RBPJ: variants seen among roughly 807,000 people sequenced by gnomAD.
RBPJ encodes the protein recombining binding protein suppressor of hairless.
A neutral mutation model predicts 67.8 loss-of-function variants in RBPJ; 9 were observed. The ratio of observed to expected loss-of-function variants is 0.13; its 90% CI spans 0.08 to 0.23. The LOEUF is 0.23. RBPJ is among the 10% of genes least tolerant of loss of function. The pLI is 1.00. For missense variants in RBPJ, 305 were observed against 595.6 expected, an observed-to-expected ratio of 0.51 and a Z score of 5.08; for synonymous variants, 198 against 203.3, an observed-to-expected ratio of 0.97 and a Z score of 0.22.
the RBPJ span, among the ~76,000 whole-genome samples, chr4:26,133,789 A>C: frequency 6.6e-6 from 1 of 151,814 alleles, no homozygotes; most frequent in Non-Finnish European, 1.5e-5. Context: ...CCCTAGTGTC[A>C]AAAAGGTGGA....
intron 1 of RBPJ, among the ~76,000 whole-genome samples, chr4:26,305,794 T>TTTTTTC (rs1722218683): frequency 6.9e-6 from 1 of 145,170 alleles, no homozygotes; most frequent in African/African-American, 2.6e-5. Flanking sequence ...TTTTTTTTTT[T>TTTTTTC]CTGAGACTGA....
chr4:26,400,483 C>T (rs1285734082), intron 2 of RBPJ, among the ~76,000 whole-genome samples: 2 of 149,124 alleles, frequency 1.3e-5, no homozygotes. Context: ...GGATGAAAAG[C>T]ATATGGGCTA....
At position 26,348,071 on chromosome 4, in the gene RBPJ, C is replaced by T. The variant is rs547000619; in HGVS notation, c.20+27023C>T. 9.9e-5 allele frequency among the ~76,000 whole-genome samples: 15 copies of T among 151,932 alleles called. No individual in the cohort carries two copies. In the East Asian group the frequency reaches 2.9e-3, roughly 29 times the overall value. ...CTGCCTCCCAGGTTCAAGTGATTCT[C>T]CTGCCTCAGCCTCCTGAGTAGCTGG... On this transcript the variant is annotated intron_variant, in intron 1 of 10. Transcript: ENST00000355476.
chr4:26,269,089 C>T (rs1720795506), intron 1 of RBPJ, among the ~76,000 whole-genome samples: 1 of 152,114 alleles, frequency 6.6e-6, no homozygotes, highest in Non-Finnish European at 1.5e-5. Context: ...CACTGAGCCC[C>T]ACTTCAGCTA....
In RBPJ at chr4:26,431,196, A is replaced by G. The variant is rs1577683630; in HGVS notation, c.*189A>G. The G allele has an allele frequency of 2.5e-6, 1 of 401,340 alleles. No individual in the cohort carries two copies. The highest frequency in any genetic ancestry group is 4.4e-6 in the Non-Finnish European group (1 of 228,366). The allele number at this position is 401,340 out of a possible 1,614,324, so 24.9% of individuals were successfully genotyped here. On this transcript the variant is annotated 3_prime_UTR_variant, in exon 11 of 11. Transcript: ENST00000355476. Reference sequence around the variant, plus strand: ...GCAGAAGCCACAGTAAAAAAAAAAAAAAAAAAAAAAAAAAAGAAAAAAAAA... The same window carrying G: ...GCAGAAGCCACAGTAAAAAAAAAAAGAAAAAAAAAAAAAAAGAAAAAAAAA...
At chr4:26,178,362 A>G (rs1716867595) in intron 1 of RBPJ, among the ~76,000 whole-genome samples, 1 of 152,172 alleles carries the variant, frequency 6.6e-6, no homozygotes, top group Admixed American at 6.5e-5. Flanking sequence ...CAGGCCGGGC[A>G]TAGTGGCTCA....
intron 1 of RBPJ, among the ~76,000 whole-genome samples, chr4:26,170,803 G>T (rs187475559): frequency 1.4e-3 from 212 of 152,248 alleles, no homozygotes; most frequent in Admixed American, 3.7e-3. Flanking sequence ...AACAGGCTTG[G>T]GTTTGAATTT....
At chr4:26,302,203 T>C (rs1270703904) in intron 1 of RBPJ, among the ~76,000 whole-genome samples, 1 of 152,170 alleles carries the variant, frequency 6.6e-6, no homozygotes, top group Non-Finnish European at 1.5e-5. Context: ...ACCTTAGCCA[T>C]TGGAGCTGTC....
At chr4:26,205,247 C>T (rs866411952) in intron 1 of RBPJ, among the ~76,000 whole-genome samples, 3 of 152,148 alleles carry the variant, frequency 2.0e-5, no homozygotes, top group Admixed American at 6.5e-5. Context: ...GGAGCAGCTC[C>T]GGCCCTGTGC....
intron 5 of RBPJ, among the ~76,000 whole-genome samples, chr4:26,421,795 T>G (rs1053284005): frequency 1.3e-5 from 2 of 152,206 alleles, no homozygotes; most frequent in African/African-American, 4.8e-5. Flanking sequence ...CCCTTTTTTT[T>G]GAAACATCAT....
At position 26,424,039 on chromosome 4, in the gene RBPJ, ACTGT is replaced by A. The variant is rs535046837; in HGVS notation, c.497-300_497-297del. ...TCAATAGGTCATCATTTAAATTTCT[ACTGT>A]CTAACATTATTTTAAAAGTAAGTTT... On this transcript the variant is annotated intron_variant, in intron 5 of 10. Coordinates refer to ENST00000355476, the MANE Select transcript of RBPJ (RefSeq NM_015874.6). The surrounding 1 kb of genome is among the most constrained non-coding windows in gnomAD (Gnocchi z 5.3). Among the ~76,000 whole-genome samples, 52 of 152,312 alleles carry A rather than the reference ACTGT, an allele frequency of 3.4e-4. No homozygotes were observed. Among genetic ancestry groups the A allele is most frequent in the Admixed American group, 1.8e-3 (27 of 15,308 alleles).
At chr4:26,388,608 T>A (rs374889808) in intron 2 of RBPJ, among the ~76,000 whole-genome samples, 74 of 50,324 alleles carry the variant, frequency 1.5e-3, no homozygotes, top group African/African-American at 2.6e-3. Flanking sequence ...ACACACACTC[T>A]CTCTCTCTCT....
chr4:26,208,172 T>G (rs1718236968), intron 1 of RBPJ, among the ~76,000 whole-genome samples: 1 of 152,240 alleles, frequency 6.6e-6, no homozygotes, highest in Admixed American at 6.5e-5. Flanking sequence ...CTAAATGCTC[T>G]ATATGAAGTA....
chr4:26,384,230 G>T (rs1730589485), intron 1 of RBPJ, among the ~76,000 whole-genome samples: 1 of 152,038 alleles, frequency 6.6e-6, no homozygotes, highest in African/African-American at 2.4e-5. Flanking sequence ...AAAAACTTGG[G>T]TTATTTGCCC....
intron 1 of RBPJ, among the ~76,000 whole-genome samples, chr4:26,197,904 G>A (rs374383998): frequency 5.3e-5 from 8 of 152,138 alleles, no homozygotes; most frequent in African/African-American, 1.9e-4. Context: ...TTTCAGACAG[G>A]TTCTGACTAT....
chr4:26,327,226 A>G (rs2063448), intron 1 of RBPJ, among the ~76,000 whole-genome samples: 3,585 of 152,228 alleles, frequency 0.024, 124 homozygotes, highest in African/African-American at 0.071. Flanking sequence ...GTATTTCCGA[A>G]CATGTCATAT....
chr4:26,255,112 T>C (rs1720255157), intron 1 of RBPJ, among the ~76,000 whole-genome samples: 1 of 147,604 alleles, frequency 6.8e-6, no homozygotes, highest in Admixed American at 6.8e-5. Flanking sequence ...TGCCCTAGAA[T>C]GTAACATCTA....
At chr4:26,315,167 A>AATATATAT (rs67496694), upstream of RBPJ, among the ~76,000 whole-genome samples, 44 of 74,742 alleles carry the variant, frequency 5.9e-4, no homozygotes, top group African/African-American at 2.4e-3. Flanking sequence ...AAAAAAAAAA[A>AATATATAT]ATATATATAT....
chr4:26,171,850 A>T (rs1384393978), intron 1 of RBPJ, among the ~76,000 whole-genome samples: 64 of 152,210 alleles, frequency 4.2e-4, no homozygotes, highest in Non-Finnish European at 2.9e-5. Flanking sequence ...AAGGGGGCTG[A>T]GGAGTGGACC....
Sources: gnomAD v4.1 joint callset for allele counts (sites outside exome capture counted in the v4.1 genomes callset) on GRCh38, gnomAD v4.1.1 for gene constraint, Gnocchi (gnomAD v3.1) non-coding constraint, MANE v1.5 for transcripts, NCBI Gene and HGNC (gene_info 2026-07-23, HGNC 2026-07-21) for gene names.